The following BRDT variants were observed in gnomAD, a reference collection of about 807,000 sequenced individuals.
The protein encoded by BRDT is bromodomain testis associated, also known as bromodomain testis-specific protein.
BRDT carries 77 observed loss-of-function variants against 113.9 expected under a neutral mutation model. The ratio of observed to expected loss-of-function variants is 0.68; its 90% CI spans 0.56 to 0.82. The LOEUF is 0.82. Among genes scored for constraint, BRDT ranks in the 40% least tolerant of loss-of-function variants. The pLI is 0.00. For synonymous variants in BRDT, 358 were observed against 366.5 expected (o/e 0.98, Z 0.26); for missense variants, 1,027 against 1,105.4 (o/e 0.93, Z 1.01).
chr1:91,963,198 C>T (rs1682680230), intron 2 of BRDT, among the ~76,000 whole-genome samples: 1 of 152,166 alleles, frequency 6.6e-6, no homozygotes, highest in Non-Finnish European at 1.5e-5. Flanking sequence ...TGGCACATGC[C>T]TGTACTTCCA....
intron 16 of BRDT, among the ~76,000 whole-genome samples, chr1:92,003,717 A>G (rs1199517572): frequency 6.6e-6 from 1 of 152,198 alleles, no homozygotes; most frequent in Non-Finnish European, 1.5e-5. Context: ...AATGTCCTAC[A>G]AATGTAAATT....
intron 3 of BRDT, 72 bp downstream of exon 3, chr1:91,964,836 T>G: frequency 1.8e-6 from 2 of 1,124,206 alleles, no homozygotes; most frequent in Non-Finnish European, 2.4e-6. Context: ...TAAAATCATG[T>G]GATCATTTCA....
At chr1:91,967,726 T>G (rs1439874889) in intron 3 of BRDT, among the ~76,000 whole-genome samples, 2 of 151,996 alleles carry the variant, frequency 1.3e-5, no homozygotes, top group Non-Finnish European at 2.9e-5. Context: ...AGAGACAGGG[T>G]TTCTCCATGT....
chr1:91,952,516 G>A (rs1247473028), intron 1 of BRDT, among the ~76,000 whole-genome samples: 1 of 151,366 alleles, frequency 6.6e-6, no homozygotes, highest in East Asian at 2.0e-4. Flanking sequence ...TGGAAGAAAA[G>A]ATTGAGGCCA....
At chr1:91,966,867 G>A (rs779356663) in intron 3 of BRDT, among the ~76,000 whole-genome samples, 57 of 152,228 alleles carry the variant, frequency 3.7e-4, no homozygotes, top group African/African-American at 1.3e-3. Flanking sequence ...TCAGGAGTTC[G>A]AGATTAGCCT....
intron 12 of BRDT, among the ~76,000 whole-genome samples, chr1:91,985,763 C>G (rs941765685): frequency 6.6e-6 from 1 of 151,364 alleles, no homozygotes; most frequent in Non-Finnish European, 1.5e-5. Context: ...CTCAGCCTGC[C>G]GAGCAGCTGG....
At chr1:92,012,142 A>G (rs1353857358) in intron 18 of BRDT, among the ~76,000 whole-genome samples, 4 of 152,034 alleles carry the variant, frequency 2.6e-5, no homozygotes, top group Non-Finnish European at 5.9e-5. Context: ...TCTACTAAAA[A>G]TACAAAAATT....
chr1:91,991,434 A>C (rs1377051185), intron 13 of BRDT, among the ~76,000 whole-genome samples, 189 bp downstream of exon 13: 2 of 152,178 alleles, frequency 1.3e-5, no homozygotes, highest in Non-Finnish European at 1.5e-5. Flanking sequence ...ATTTGGCTTC[A>C]TTTTTCAATA....
Position 91,974,054 on chromosome 1 carries a change from A to G in BRDT, c.446-2212A>G, listed in dbSNP as rs4442412. On this transcript the variant is annotated intron_variant, in intron 4 of 18. Coordinates refer to ENST00000399546, the MANE Select transcript of BRDT (RefSeq NM_207189.4). Reference sequence around the variant, plus strand: ...ATGGGGAAAGGATTCCCTATTTAATAAATGGTGCTGGGAAAACTGGCTAGC... The same window carrying G: ...ATGGGGAAAGGATTCCCTATTTAATGAATGGTGCTGGGAAAACTGGCTAGC... Among the ~76,000 whole-genome samples the G allele has an allele frequency of 8.8e-3, 1,336 of 152,336 alleles. 10 individuals are homozygous for G. Among genetic ancestry groups the G allele is most frequent in the African/African-American group, 0.031 (1,290 of 41,576 alleles).
chr1:91,965,620 C>T (rs1174146542), intron 3 of BRDT, among the ~76,000 whole-genome samples: 6 of 152,036 alleles, frequency 3.9e-5, no homozygotes, highest in South Asian at 2.1e-4. Context: ...GAGGCTGAGG[C>T]GGGAGGATCA....
Position 91,977,411 on chromosome 1 carries a change from A to G in BRDT, c.969+18A>G. 6.8e-7 allele frequency: 1 copy of G among 1,462,706 alleles called. No homozygotes were observed. Among genetic ancestry groups the G allele is most frequent in the Non-Finnish European group, 9.1e-7 (1 of 1,095,638 alleles). 90.6% of individuals were successfully genotyped at this position (1,462,706 alleles called of 1,614,324 possible). ...CTATTAAGGTAAATGTTGCCTTAAA[A>G]GGAAGAACTTCTTTTTCTTGATTAT... On this transcript the variant is annotated intron_variant, in intron 6 of 18. Transcript: ENST00000399546.
intron 1 of BRDT, among the ~76,000 whole-genome samples, chr1:91,955,743 C>T (rs1681692934): frequency 6.6e-6 from 1 of 152,164 alleles, no homozygotes; most frequent in African/African-American, 2.4e-5. Flanking sequence ...TCATATATTG[C>T]TGGACAGTGA....
intron 3 of BRDT, among the ~76,000 whole-genome samples, chr1:91,966,177 C>T (rs1557813506): frequency 6.6e-6 from 1 of 151,958 alleles, no homozygotes; most frequent in Non-Finnish European, 1.5e-5. Flanking sequence ...TATAGTATTC[C>T]CATTTCCTAC....
chr1:91,958,891 C>A (rs1682095355), intron 1 of BRDT, among the ~76,000 whole-genome samples: 2 of 151,408 alleles, frequency 1.3e-5, no homozygotes. Context: ...CCCATCTATA[C>A]AAAAAAAATG....
At chr1:91,954,058 C>G (rs369640838) in intron 1 of BRDT, among the ~76,000 whole-genome samples, 4 of 151,824 alleles carry the variant, frequency 2.6e-5, no homozygotes, top group African/African-American at 9.7e-5. Flanking sequence ...TGCAACCTCC[C>G]CCTCCGGGAT....
intron 4 of BRDT, among the ~76,000 whole-genome samples, 183 bp downstream of exon 4, chr1:91,968,443 G>C (rs1214969844): frequency 6.6e-6 from 1 of 152,182 alleles, no homozygotes; most frequent in East Asian, 1.9e-4. Flanking sequence ...TATCATTCAA[G>C]AATAGTGAGG....
At position 91,977,296 on chromosome 1, in the gene BRDT, A is replaced by G. The variant is rs1351482927; in HGVS notation, c.872A>G (p.Tyr291Cys). Residue 291 changes from tyrosine (Y) to cysteine (C), a missense_variant, in exon 6 of 19, where the codon TAT (tyrosine) becomes TGT (cysteine). By Grantham distance (194) the Tyr-to-Cys change is radical. Transcript: ENST00000399546. ...ATGCTTGCAAAGAAACATTTTTCAT[A>G]TGCATGGCCCTTTTATAATCCTGTT... ...KEMLAKKHFSYAWPFYNPVDV... is the reference protein window; with the variant it reads ...KEMLAKKHFSCAWPFYNPVDV... The G allele has an allele frequency of 2.5e-6, 4 of 1,614,106 alleles. No individual in the cohort carries two copies. In the South Asian group the frequency reaches 3.3e-5, roughly 13 times the overall value.
chr1:91,955,710 A>G (rs1163087119), intron 1 of BRDT, among the ~76,000 whole-genome samples: 1 of 152,242 alleles, frequency 6.6e-6, no homozygotes, highest in South Asian at 2.1e-4. Flanking sequence ...CAGTGGATAC[A>G]TTATAAAAGG....
chr1:92,001,129 C>G (rs1460129743), intron 15 of BRDT, among the ~76,000 whole-genome samples: 1 of 152,122 alleles, frequency 6.6e-6, no homozygotes, highest in East Asian at 1.9e-4. Context: ...AAGCCCTGCA[C>G]TGGCTTAGGT....
Sources: allele counts gnomAD v4.1 joint callset (sites outside exome capture counted in the v4.1 genomes callset), GRCh38; gene constraint gnomAD v4.1.1; transcripts MANE v1.5; gene names NCBI Gene and HGNC (gene_info 2026-07-23, HGNC 2026-07-21).